The following PLCB1 variants were observed in gnomAD, a reference collection of about 807,000 sequenced individuals.
The protein encoded by PLCB1 is phospholipase C beta 1, also known as 1-phosphatidylinositol 4,5-bisphosphate phosphodiesterase beta-1.
In PLCB1, 46 loss-of-function variants were observed where a neutral mutation model predicts 161.8. The ratio of observed to expected loss-of-function variants is 0.28; its 90% CI spans 0.22 to 0.36. The LOEUF is 0.36. Among genes scored for constraint, PLCB1 ranks in the 10% least tolerant of loss-of-function variants. The pLI is 1.00. For synonymous variants in PLCB1, 517 were observed against 503.7 expected (o/e 1.03, Z -0.35); for missense variants, 1,016 against 1,472.5 (o/e 0.69, Z 5.07).
intron 31 of PLCB1, among the ~76,000 whole-genome samples, chr20:8,869,724 T>A (rs1448050191): frequency 6.6e-6 from 1 of 152,210 alleles, no homozygotes; most frequent in Non-Finnish European, 1.5e-5. Context: ...GTTCAGCTGA[T>A]CTTGGCTGAG....
intron 26 of PLCB1, among the ~76,000 whole-genome samples, chr20:8,768,912 C>A (rs1982521874): frequency 6.6e-6 from 1 of 152,202 alleles, no homozygotes; most frequent in Non-Finnish European, 1.5e-5. Flanking sequence ...TAGGAGATTT[C>A]TCTTCTAAAT....
At chr20:8,601,708 G>A (rs1160526382) in intron 3 of PLCB1, among the ~76,000 whole-genome samples, 1 of 152,110 alleles carries the variant, frequency 6.6e-6, no homozygotes, top group Non-Finnish European at 1.5e-5. Context: ...ACTCACCCAG[G>A]TTATTCATTC....
intron 2 of PLCB1, among the ~76,000 whole-genome samples, chr20:8,303,956 G>T (rs554045673): frequency 2.0e-5 from 3 of 152,240 alleles, no homozygotes; most frequent in Non-Finnish European, 2.9e-5. Flanking sequence ...AAATGGAATG[G>T]TTCACCAAAA....
chr20:8,828,141 C>T (rs79012683), intron 31 of PLCB1, among the ~76,000 whole-genome samples: 5,701 of 152,084 alleles, frequency 0.037, 159 homozygotes, highest in Middle Eastern at 0.099. Context: ...TGTGGGATAT[C>T]CTGCATTGGG....
intron 2 of PLCB1, among the ~76,000 whole-genome samples, chr20:8,357,854 G>A (rs1986411378): frequency 6.6e-6 from 1 of 152,122 alleles, no homozygotes. Flanking sequence ...GTTTTCTTTT[G>A]TGGTTTTCTT....
intron 22 of PLCB1, 41 bp from the exon 23 acceptor site, chr20:8,741,423 C>A: frequency 7.3e-7 from 1 of 1,366,472 alleles, no homozygotes; most frequent in Non-Finnish European, 1.0e-6. Flanking sequence ...ATAATCAATA[C>A]TTCCAGGACC....
In PLCB1 at chr20:8,629,875, T is replaced by TTCTTTCTTTCTG. The variant is rs1272803067; in HGVS notation, c.384+1447_384+1448insTTCTTTCTGTCT. Reference sequence around the variant, plus strand: ...TTTCTTTCTTTCTTTCTTTCTTTCTTTCTCTCTCTCTTTCTTTTCTTTCTT... The same window carrying TTCTTTCTTTCTG: ...TTTCTTTCTTTCTTTCTTTCTTTCTTTCTTTCTTTCTGTCTCTCTCTCTTTCTTTTCTTTCTT... On this transcript the variant is annotated intron_variant, in intron 4 of 31. Coordinates refer to ENST00000338037, the MANE Select transcript of PLCB1 (RefSeq NM_015192.4). 1.8e-3 allele frequency among the ~76,000 whole-genome samples: 147 copies of TTCTTTCTTTCTG among 83,476 alleles called. 2 individuals are homozygous for TTCTTTCTTTCTG. The highest frequency in any genetic ancestry group is 2.6e-3 in the Non-Finnish European group (99 of 38,340). 54.8% of individuals were successfully genotyped at this position (83,476 alleles called of 152,430 possible). A position where few individuals can be genotyped will look rare whatever the true frequency, so the allele number is the denominator to read the frequency against.
chr20:8,556,656 GGTGTGTGTGTGTGT>G (rs58160557), intron 3 of PLCB1, among the ~76,000 whole-genome samples: 3,587 of 141,832 alleles, frequency 0.025, 127 homozygotes, highest in African/African-American at 0.075. Flanking sequence ...GAGAGGGTTG[GGTGTGTGTGTGTGT>G]GTGTGTGTGT....
intron 9 of PLCB1, among the ~76,000 whole-genome samples, chr20:8,675,596 A>T (rs1990054734): frequency 6.6e-6 from 1 of 152,224 alleles, no homozygotes; most frequent in Non-Finnish European, 1.5e-5. Context: ...AAACTTAATC[A>T]ACAAAAATAT....
At chr20:8,591,864 A>T (rs759111015) in intron 3 of PLCB1, among the ~76,000 whole-genome samples, 5 of 152,196 alleles carry the variant, frequency 3.3e-5, no homozygotes, top group Non-Finnish European at 7.3e-5. Flanking sequence ...TATTACAGTA[A>T]CAATAACCGG....
At chr20:8,738,486 T>C (rs1048859776) in intron 20 of PLCB1, among the ~76,000 whole-genome samples, 14 of 152,140 alleles carry the variant, frequency 9.2e-5, no homozygotes, top group Non-Finnish European at 2.9e-5. Context: ...GCATGGCACA[T>C]GTATGCATAT....
intron 3 of PLCB1, among the ~76,000 whole-genome samples, chr20:8,547,277 G>T (rs1377814411): frequency 6.6e-6 from 1 of 152,058 alleles, no homozygotes; most frequent in Non-Finnish European, 1.5e-5. Flanking sequence ...TGGGACTACT[G>T]TTTTTTTAAA....
At chr20:8,182,989 GTT>G (rs10542592) in intron 2 of PLCB1, among the ~76,000 whole-genome samples, 47,663 of 152,054 alleles carry the variant, frequency 0.31, 9,667 homozygotes, top group African/African-American at 0.58. Context: ...AAAAAGAACT[GTT>G]TTTTTTGGTA....
intron 2 of PLCB1, among the ~76,000 whole-genome samples, chr20:8,233,170 C>T (rs1980152121): frequency 6.6e-6 from 1 of 152,056 alleles, no homozygotes; most frequent in Admixed American, 6.6e-5. Context: ...TTATTCAATC[C>T]CATCAAATAT....
intron 3 of PLCB1, among the ~76,000 whole-genome samples, chr20:8,559,627 G>T (rs1466430438): frequency 1.3e-5 from 2 of 151,960 alleles, no homozygotes; most frequent in Non-Finnish European, 2.9e-5. Flanking sequence ...TGTAAAAAGA[G>T]ATTTCATTCA....
chr20:8,470,856 C>A (rs531127304), intron 3 of PLCB1, among the ~76,000 whole-genome samples: 34 of 150,676 alleles, frequency 2.3e-4, no homozygotes, highest in Non-Finnish European at 5.9e-5. Flanking sequence ...TTGTGCTCTT[C>A]TTTGTTTTGG....
intron 3 of PLCB1, among the ~76,000 whole-genome samples, chr20:8,565,484 C>T (rs539975649): frequency 5.0e-4 from 76 of 151,286 alleles, no homozygotes; most frequent in Admixed American, 1.1e-3. Flanking sequence ...ATAATAAAAA[C>T]TTAAAGTATA....
chr20:8,243,564 G>A (rs1376431051), intron 2 of PLCB1, among the ~76,000 whole-genome samples: 1 of 151,878 alleles, frequency 6.6e-6, no homozygotes, highest in Non-Finnish European at 1.5e-5. Flanking sequence ...GATATAAATA[G>A]AACCTTTAAA....
At chr20:8,163,046 G>T (rs2051641097) in intron 2 of PLCB1, among the ~76,000 whole-genome samples, 1 of 152,194 alleles carries the variant, frequency 6.6e-6, no homozygotes, top group African/African-American at 2.4e-5. Flanking sequence ...TCTGGTGTTT[G>T]TAGGTTGAGT....
Sources: allele counts gnomAD v4.1 joint callset (sites outside exome capture counted in the v4.1 genomes callset), GRCh38; gene constraint gnomAD v4.1.1; transcripts MANE v1.5; gene names NCBI Gene and HGNC (gene_info 2026-07-23, HGNC 2026-07-21).